Variants in FMN1 observed in about 807,000 individuals in gnomAD.
FMN1 encodes formin 1.
A neutral mutation model predicts 132.4 loss-of-function variants in FMN1; 110 were observed. That is an observed-to-expected ratio of 0.83 (90% CI 0.71 to 0.97). The LOEUF is 0.97. FMN1 is among the 50% of genes least tolerant of loss of function. The pLI is 0.00. For missense variants in FMN1, 1,792 were observed against 1,705.3 expected (o/e 1.05, Z -0.90); for synonymous variants, 722 against 651.7 (o/e 1.11, Z -1.64).
At chr15:33,095,419 G>C (rs923490180) in intron 4 of FMN1, among the ~76,000 whole-genome samples, 6 of 152,056 alleles carry the variant, frequency 3.9e-5, no homozygotes, top group African/African-American at 1.4e-4. Context: ...TTTTTGAGAT[G>C]GAGTCTCACT....
chr15:32,924,936 C>CA (rs1173386118), intron 10 of FMN1, among the ~76,000 whole-genome samples: 2 of 151,888 alleles, frequency 1.3e-5, no homozygotes, highest in African/African-American at 2.4e-5. Flanking sequence ...AACCAAAAAC[C>CA]AAAAAAACCC....
intron 14 of FMN1, chr15:32,899,762 T>A (rs1009357391): frequency 1.7e-6 from 1 of 580,878 alleles, no homozygotes; most frequent in Non-Finnish European, 3.0e-6. Context: ...GGGAATTGAG[T>A]AATTGAAAAT....
intron 15 of FMN1, among the ~76,000 whole-genome samples, chr15:32,892,031 T>C (rs2060043775): frequency 6.6e-6 from 1 of 152,214 alleles, no homozygotes; most frequent in Non-Finnish European, 1.5e-5. Flanking sequence ...TCTTTACTGA[T>C]TTGGATGCCC....
chr15:32,885,275 T>C (rs1186795251), intron 16 of FMN1, among the ~76,000 whole-genome samples: 2 of 152,226 alleles, frequency 1.3e-5, no homozygotes, highest in African/African-American at 4.8e-5. Context: ...ATGTGTGGTT[T>C]TGGGAGTGTG....
intron 16 of FMN1, among the ~76,000 whole-genome samples, chr15:32,885,225 C>A (rs347941): frequency 0.29 from 43,652 of 152,030 alleles, 6,869 homozygotes; most frequent in African/African-American, 0.42. Context: ...CAACCCAAAG[C>A]AAGTTCCTTC....
In FMN1 at chr15:33,072,933, A is replaced by AC. The variant is rs538389586; in HGVS notation, c.2044-7860_2044-7859insG. Among the ~76,000 whole-genome samples the AC allele has an allele frequency of 9.9e-5, 15 of 151,862 alleles. No individual in the cohort carries two copies. The South Asian group carries it at 2.9e-3, about 30-fold the overall frequency. ...ACAAGACTCCATCTCAAAAAAAAAA[A>AC]AAAACAAAAACAGAACATCAGTCTA... On this transcript the variant is annotated intron_variant, in intron 5 of 20. Coordinates refer to ENST00000616417, the MANE Select transcript of FMN1 (RefSeq NM_001277313.2).
At chr15:33,081,611 G>C (rs1265549603) in intron 5 of FMN1, among the ~76,000 whole-genome samples, 2 of 152,172 alleles carry the variant, frequency 1.3e-5, no homozygotes, top group Non-Finnish European at 2.9e-5. Context: ...TCCATTAAAT[G>C]AATGTCTTTT....
rs57232200 is a variant in FMN1 at position 33,185,568 on chromosome 15, A to ATT, written c.-196-5308_-196-5307dup. Among the ~76,000 whole-genome samples, 152 of 113,380 alleles carry ATT rather than the reference A, an allele frequency of 1.3e-3. 7 individuals are homozygous for ATT. The highest frequency in any genetic ancestry group is 5.3e-3 in the African/African-American group (126 of 23,862). The allele number at this position is 113,380 out of a possible 152,430, so 74.4% of individuals were successfully genotyped here. The stretch of plus-strand genomic sequence containing the variant: ...GTAATTTTTTTTTAATAAAGTAAGA[A>ATT]TTTTTTTTTTTTTTTTTTTTTTACA... On this transcript the variant is annotated intron_variant, in intron 2 of 20. Coordinates refer to ENST00000616417, the MANE Select transcript of FMN1 (RefSeq NM_001277313.2).
intron 19 of FMN1, among the ~76,000 whole-genome samples, chr15:32,785,135 G>GGT (rs759634791): frequency 0.048 from 6,567 of 137,504 alleles, 266 homozygotes; most frequent in Non-Finnish European, 0.07. Context: ...TGATGCTAGG[G>GGT]GTGTGTGTGT....
chr15:32,911,369 A>G (rs2060557977), intron 10 of FMN1, among the ~76,000 whole-genome samples: 1 of 152,162 alleles, frequency 6.6e-6, no homozygotes, highest in Non-Finnish European at 1.5e-5. Flanking sequence ...CTGACTTTAC[A>G]TTGTGAAATT....
intron 2 of FMN1, among the ~76,000 whole-genome samples, chr15:33,185,559 AAAGT>A (rs1480612560): frequency 7.2e-6 from 1 of 138,066 alleles, no homozygotes; most frequent in African/African-American, 3.1e-5. Context: ...TTTTTTTAAT[AAAGT>A]AAGAATTTTT....
intron 19 of FMN1, among the ~76,000 whole-genome samples, chr15:32,792,390 A>G (rs1215282076): frequency 1.3e-5 from 2 of 151,726 alleles, no homozygotes; most frequent in East Asian, 1.9e-4. Flanking sequence ...GCTTGTAGTG[A>G]GCCGAAATCG....
At chr15:32,792,990 G>A (rs2057142993) in intron 19 of FMN1, among the ~76,000 whole-genome samples, 1 of 152,150 alleles carries the variant, frequency 6.6e-6, no homozygotes, top group Non-Finnish European at 1.5e-5. Flanking sequence ...TGGCAGCCAA[G>A]ACGTTATCCT....
intron 6 of FMN1, among the ~76,000 whole-genome samples, chr15:33,018,884 C>T (rs893066554): frequency 2.6e-5 from 4 of 152,132 alleles, no homozygotes; most frequent in African/African-American, 7.2e-5. Context: ...TTCGATCCTC[C>T]GGTGGGTTCG....
chr15:33,110,435 T>C (rs1475567915), intron 4 of FMN1, among the ~76,000 whole-genome samples: 1 of 152,028 alleles, frequency 6.6e-6, no homozygotes, highest in East Asian at 1.9e-4. Flanking sequence ...AGCAGTAATT[T>C]TTCTATGGGT....
chr15:33,179,164 A>C (rs1330748188), intron 3 of FMN1, among the ~76,000 whole-genome samples: 1 of 152,234 alleles, frequency 6.6e-6, no homozygotes, highest in Non-Finnish European at 1.5e-5. Context: ...CAAGGAGAGA[A>C]AAATATGAAA....
At chr15:32,900,737 CTT>C (rs925160259) in intron 13 of FMN1, among the ~76,000 whole-genome samples, 4 of 152,110 alleles carry the variant, frequency 2.6e-5, no homozygotes, top group Non-Finnish European at 5.9e-5. Context: ...TTAGGATTTT[CTT>C]TGTCTCCCTG....
chr15:32,942,076 A>G (rs936890454), intron 9 of FMN1, among the ~76,000 whole-genome samples: 1 of 152,226 alleles, frequency 6.6e-6, no homozygotes, highest in Non-Finnish European at 1.5e-5. Flanking sequence ...AGTTTAAGGC[A>G]AAGCCTTTCC....
intron 7 of FMN1, among the ~76,000 whole-genome samples, chr15:32,975,579 C>G (rs1193099640): frequency 6.6e-6 from 1 of 152,156 alleles, no homozygotes; most frequent in Non-Finnish European, 1.5e-5. Context: ...CTCTTCTGAT[C>G]TCTTTTCTGT....
Sources: gnomAD v4.1 joint callset for allele counts (sites outside exome capture counted in the v4.1 genomes callset) on GRCh38, gnomAD v4.1.1 for gene constraint, MANE v1.5 for transcripts, NCBI Gene and HGNC (gene_info 2026-07-23, HGNC 2026-07-21) for gene names.